The following CLGN variants were observed in gnomAD, a reference collection of about 807,000 sequenced individuals.
CLGN encodes the protein calmegin.
CLGN carries 62 observed loss-of-function variants against 79.1 expected under a neutral mutation model. The ratio of observed to expected loss-of-function variants is 0.78; its 90% CI spans 0.64 to 0.97. The LOEUF (loss-of-function observed/expected upper bound fraction) is 0.97. Ranked by LOEUF, CLGN falls within the 50% of genes least tolerant of loss-of-function variation. The pLI, the probability that CLGN is intolerant of heterozygous loss-of-function variation, is 0.00. For synonymous variants in CLGN, 225 were observed against 224.7 expected, an observed-to-expected ratio of 1.00 and a Z score of -0.01; for missense variants, 647 against 715.5, an observed-to-expected ratio of 0.90 and a Z score of 1.09.
At chr4:140,391,436 C>T (rs1379895905) in intron 13 of CLGN, among the ~76,000 whole-genome samples, 1 of 151,854 alleles carries the variant, frequency 6.6e-6, no homozygotes, top group Admixed American at 6.6e-5. Context: ...TGGAAACTTA[C>T]AACCTGAAAC....
chr4:140,404,362 G>C (rs975308236), intron 5 of CLGN, among the ~76,000 whole-genome samples: 1 of 152,046 alleles, frequency 6.6e-6, no homozygotes, highest in Non-Finnish European at 1.5e-5. Context: ...CAAAGTGCTG[G>C]GATTACAGGT....
chr4:140,420,402 T>A (rs1024003170), intron 1 of CLGN, among the ~76,000 whole-genome samples: 1 of 152,172 alleles, frequency 6.6e-6, no homozygotes, highest in African/African-American at 2.4e-5. Flanking sequence ...ATCAAAGAAC[T>A]AGCTAATTTA....
intron 5 of CLGN, among the ~76,000 whole-genome samples, chr4:140,403,809 T>C (rs1352024220): frequency 6.6e-6 from 1 of 152,196 alleles, no homozygotes; most frequent in Admixed American, 6.5e-5. Context: ...GATTAGAGGA[T>C]CAACAAAATG....
At position 140,395,817 on chromosome 4, in the gene CLGN, A is replaced by C. The variant is rs1323109367; in HGVS notation, c.1149+2T>G. On this transcript the variant is annotated splice_donor_variant, in intron 10 of 14. Transcript: ENST00000325617. LOFTEE classifies it high-confidence loss of function. Reference sequence around the variant, plus strand: ...TAAATAATTGGAACAAGCGGTTGTTACCTGATAGTTAGGATTATCGACCAG... The same window carrying C: ...TAAATAATTGGAACAAGCGGTTGTTCCCTGATAGTTAGGATTATCGACCAG... 2.7e-6 allele frequency: 4 copies of C among 1,467,996 alleles called. No homozygotes were observed. The Admixed American group carries it at 1.0e-4, about 38-fold the overall frequency. 90.9% of individuals were successfully genotyped at this position (1,467,996 alleles called of 1,614,324 possible). A position where few individuals can be genotyped will look rare whatever the true frequency, so the allele number is the denominator to read the frequency against.
intron 1 of CLGN, among the ~76,000 whole-genome samples, chr4:140,425,724 G>T (rs535937577): frequency 6.8e-6 from 1 of 147,984 alleles, no homozygotes; most frequent in Admixed American, 6.9e-5. Context: ...TGCCTCCTTG[G>T]TTCAAGCGAT....
intron 8 of CLGN, among the ~76,000 whole-genome samples, chr4:140,398,179 C>G (rs891849213): frequency 2.0e-5 from 3 of 150,222 alleles, no homozygotes; most frequent in African/African-American, 7.4e-5. Context: ...TCTTTTAGTA[C>G]TTTGTAAAAC....
intron 1 of CLGN, among the ~76,000 whole-genome samples, chr4:140,416,085 C>T (rs1328153805): frequency 1.4e-5 from 1 of 69,472 alleles, no homozygotes; most frequent in Non-Finnish European, 2.6e-5. Flanking sequence ...ACTGAACAAC[C>T]TGCTCCTGAA....
chr4:140,393,238 CCT>C (rs1236084283), intron 11 of CLGN, among the ~76,000 whole-genome samples: 3 of 151,696 alleles, frequency 2.0e-5, no homozygotes, highest in African/African-American at 7.3e-5. Flanking sequence ...AACAAGAATC[CCT>C]CTTCACCTAC....
chr4:140,389,058 G>T lies in CLGN; in HGVS notation c.*166C>A. 1 of 585,476 alleles carries T rather than the reference G, an allele frequency of 1.7e-6. No homozygotes were observed. Among genetic ancestry groups the T allele is most frequent in the Non-Finnish European group, 3.0e-6 (1 of 332,296 alleles). The allele number at this position is 585,476 out of a possible 1,614,324, so 36.3% of individuals were successfully genotyped here. On this transcript the variant is annotated 3_prime_UTR_variant, in exon 15 of 15. Coordinates refer to ENST00000325617, the MANE Select transcript of CLGN (RefSeq NM_004362.3). The stretch of plus-strand genomic sequence containing the variant: ...TCAAAGATGAGGTAACTTCAAAGTT[G>T]CTTCTTTTTCCTCTGAAATGAAGGA...
chr4:140,406,385 T>A (rs1279911512), intron 4 of CLGN, among the ~76,000 whole-genome samples: 1 of 152,194 alleles, frequency 6.6e-6, no homozygotes, highest in Non-Finnish European at 1.5e-5. Flanking sequence ...GAGTTTTTAA[T>A]CAATGAAATT....
At chr4:140,397,628 T>G (rs766100838) in intron 8 of CLGN, among the ~76,000 whole-genome samples, 2 of 152,128 alleles carry the variant, frequency 1.3e-5, no homozygotes, top group Non-Finnish European at 2.9e-5. Flanking sequence ...ACACTTAGGC[T>G]GGCGTGGTGG....
chr4:140,421,090 T>C (rs1729460651), intron 1 of CLGN, among the ~76,000 whole-genome samples: 1 of 152,178 alleles, frequency 6.6e-6, no homozygotes, highest in Admixed American at 6.5e-5. Context: ...TTACTTAGCA[T>C]AATGCCCTGA....
intron 7 of CLGN, 31 bp from the exon 8 acceptor site, chr4:140,399,071 A>G (rs1322889166): frequency 6.5e-7 from 1 of 1,532,512 alleles, no homozygotes; most frequent in Admixed American, 2.0e-5. Flanking sequence ...AATTATAGTT[A>G]TCATTTTGAT....
At chr4:140,426,159 C>T (rs1259160761) in intron 1 of CLGN, among the ~76,000 whole-genome samples, 2 of 152,144 alleles carry the variant, frequency 1.3e-5, no homozygotes, top group African/African-American at 4.8e-5. Flanking sequence ...CCCAACATGG[C>T]ACAATCGCAC....
intron 5 of CLGN, among the ~76,000 whole-genome samples, chr4:140,402,425 T>C (rs1250619127): frequency 1.3e-5 from 2 of 151,934 alleles, no homozygotes; most frequent in African/African-American, 2.4e-5. Flanking sequence ...ACTTACACTT[T>C]ATAAACTAAA....
intron 1 of CLGN, among the ~76,000 whole-genome samples, chr4:140,425,931 C>T (rs1349889309): frequency 3.3e-5 from 5 of 151,980 alleles, no homozygotes; most frequent in African/African-American, 9.7e-5. Context: ...GCCGGGCCTT[C>T]TTTCACTCTC....
chr4:140,390,630 C>T lies in CLGN; in HGVS notation c.1750G>A (p.Glu584Lys), dbSNP rs771920685. ...GAAACCAGCTTATTTTCTGTTACCT[C>T]ATCCTCTGACCCAGACTTATTTGAT... Reference protein sequence around the residue: ...NQSNKSGSEDEMKEADESTGS... With the variant: ...NQSNKSGSEDKMKEADESTGS... Residue 584 changes from glutamate to lysine, a missense_variant and splice_region_variant, in exon 14 of 15, where the codon GAG becomes AAG. Physicochemically the swap from Glu to Lys is moderately conservative, Grantham distance 56. Coordinates refer to ENST00000325617, the MANE Select transcript of CLGN (RefSeq NM_004362.3). 1 of 1,581,888 alleles carries T rather than the reference C, an allele frequency of 6.3e-7. No individual in the cohort carries two copies. Among genetic ancestry groups the T allele is most frequent in the Non-Finnish European group, 8.6e-7 (1 of 1,162,552 alleles).
At chr4:140,391,387 A>G (rs1728770457) in intron 13 of CLGN, among the ~76,000 whole-genome samples, 1 of 151,886 alleles carries the variant, frequency 6.6e-6, no homozygotes. Context: ...TGATCCAGAC[A>G]TCAATATACT....
At chr4:140,407,938 A>T (rs1397282251) in intron 4 of CLGN, among the ~76,000 whole-genome samples, 2 of 151,846 alleles carry the variant, frequency 1.3e-5, no homozygotes, top group East Asian at 3.9e-4. Context: ...CAAATTATAC[A>T]GGGCCATACT....
Sources: allele counts gnomAD v4.1 joint callset (sites outside exome capture counted in the v4.1 genomes callset), GRCh38; gene constraint gnomAD v4.1.1; transcripts MANE v1.5; gene names NCBI Gene and HGNC (gene_info 2026-07-23, HGNC 2026-07-21).